The following SPOCK1 variants were observed in gnomAD, a reference collection of about 807,000 sequenced individuals.
SPOCK1 encodes testican-1.
In SPOCK1, 23 loss-of-function variants were observed where a neutral mutation model predicts 55.3. The observed-to-expected ratio is 0.42, with a 90% CI of 0.30 to 0.59. SPOCK1 has a LOEUF of 0.59. SPOCK1 is among the 20% of genes least tolerant of loss of function. The pLI is 0.22. For missense variants in SPOCK1, 499 were observed against 552.5 expected (o/e 0.90, Z 0.97); for synonymous variants, 226 against 221.0 (o/e 1.02, Z -0.20).
At chr5:137,095,342 T>TA (rs112149143) in intron 5 of SPOCK1, among the ~76,000 whole-genome samples, 15,829 of 152,068 alleles carry the variant, frequency 0.1, 1,740 homozygotes, top group African/African-American at 0.28. Context: ...CTCCAATTTG[T>TA]AAAAAAAACC....
intron 2 of SPOCK1, among the ~76,000 whole-genome samples, chr5:137,361,867 T>C (rs1025267558): frequency 2.0e-5 from 3 of 152,096 alleles, no homozygotes; most frequent in African/African-American, 7.2e-5. Context: ...TCTGGGTGAG[T>C]TCATGTTCCC....
intron 3 of SPOCK1, among the ~76,000 whole-genome samples, chr5:137,162,562 T>C (rs1262777998): frequency 3.9e-5 from 6 of 152,158 alleles, no homozygotes; most frequent in African/African-American, 1.2e-4. Flanking sequence ...GTCACAACTG[T>C]GTGCAGAGGT....
At position 137,113,250 on chromosome 5, in the gene SPOCK1, G is replaced by A. The variant is rs1442238628; in HGVS notation, c.348-689C>T. On this transcript the variant is annotated intron_variant, in intron 4 of 10. Coordinates refer to ENST00000394945, the MANE Select transcript of SPOCK1 (RefSeq NM_004598.4). ...AAATGTCGCTATTAGGATGACTTAC[G>A]TCCACGGAAGGAACCCCATCACTAT... Among the ~76,000 whole-genome samples the A allele has an allele frequency of 2.6e-5, 4 of 152,120 alleles. No individual in the cohort carries two copies. In the East Asian group the frequency reaches 7.7e-4, roughly 29 times the overall value.
In SPOCK1 at chr5:137,458,625, A is replaced by G. The variant is rs149092474; in HGVS notation, c.186+39748T>C. ...TGTTCAATTATCCCATTTTGCTCCA[A>G]CGAAATTTCTCCTAGAGTAAGGGTT... On this transcript the variant is annotated intron_variant, in intron 2 of 10. Transcript: ENST00000394945. Among the ~76,000 whole-genome samples the G allele has an allele frequency of 1.6e-3, 248 of 152,326 alleles. 1 individual carries two copies. Among genetic ancestry groups the G allele is most frequent in the African/African-American group, 5.8e-3 (240 of 41,568 alleles).
At chr5:136,998,262 A>G (rs1371002629) in intron 6 of SPOCK1, among the ~76,000 whole-genome samples, 2 of 152,242 alleles carry the variant, frequency 1.3e-5, no homozygotes, top group East Asian at 3.8e-4. Context: ...AGTCCAAGAA[A>G]TACAGGTTGC....
rs774899427 is a variant in SPOCK1, at chr5:136,978,839, C to T, written c.1135G>A (p.Glu379Lys). Reference protein sequence around the residue: ...RKQGAVSCEEEQETSGDFGSG... With the variant: ...RKQGAVSCEEKQETSGDFGSG... ...CCAAAATCCCCTGAGGTTTCCTGCT[C>T]CTCTTCTGAAAGATTAAAAAAAGCA... The change falls in exon 11 of 11, where the codon GAG (glutamate) becomes AAG (lysine). Residue 379 changes from glutamate to lysine, a missense_variant. Glu to Lys is a moderately conservative substitution (Grantham distance 56). Around this residue, in one of 3 missense-constraint regions of SPOCK1, gnomAD observed 83 missense variants for 87.5 expected, o/e 0.95. Coordinates refer to ENST00000394945, the MANE Select transcript of SPOCK1 (RefSeq NM_004598.4). 4 of 1,607,604 alleles carry T rather than the reference C, an allele frequency of 2.5e-6. No homozygotes were observed. Among genetic ancestry groups the T allele is most frequent in the African/African-American group, 1.3e-5 (1 of 74,770 alleles).
intron 2 of SPOCK1, among the ~76,000 whole-genome samples, chr5:137,361,147 T>A (rs903936339): frequency 1.3e-5 from 2 of 152,226 alleles, no homozygotes; most frequent in African/African-American, 4.8e-5. Flanking sequence ...GTTAGCCATC[T>A]GCAAGTCAGC....
intron 3 of SPOCK1, among the ~76,000 whole-genome samples, chr5:137,220,284 C>T (rs575723605): frequency 1.3e-5 from 2 of 152,260 alleles, no homozygotes; most frequent in Admixed American, 6.5e-5. Flanking sequence ...AAGAAAACAA[C>T]CTTCTCTCAT....
Position 137,095,433 on chromosome 5 carries a change from G to T in SPOCK1, c.474+17002C>A, listed in dbSNP as rs561328312. 2.6e-5 allele frequency among the ~76,000 whole-genome samples: 4 copies of T among 152,308 alleles called. No individual in the cohort carries two copies. In the East Asian group the frequency reaches 5.8e-4, roughly 22 times the overall value. On this transcript the variant is annotated intron_variant, in intron 5 of 10. Coordinates refer to ENST00000394945, the MANE Select transcript of SPOCK1 (RefSeq NM_004598.4). ...TTAACCAAAGACCAAAACTGTTTGG[G>T]CTCAGCTAAGTCTAGGTTCAGATTC...
chr5:137,409,356 T>C (rs1339296305), intron 2 of SPOCK1, among the ~76,000 whole-genome samples: 1 of 152,150 alleles, frequency 6.6e-6, no homozygotes, highest in Non-Finnish European at 1.5e-5. Flanking sequence ...CGCAGATCCA[T>C]AGGCAGCATG....
chr5:137,320,297 C>G (rs532698601), intron 2 of SPOCK1, among the ~76,000 whole-genome samples: 2 of 152,300 alleles, frequency 1.3e-5, no homozygotes, highest in South Asian at 4.1e-4. Context: ...CCTTGGATGC[C>G]TGGTATCCAC....
At chr5:137,410,730 G>A (rs1460696549) in intron 2 of SPOCK1, among the ~76,000 whole-genome samples, 1 of 152,208 alleles carries the variant, frequency 6.6e-6, no homozygotes, top group African/African-American at 2.4e-5. Flanking sequence ...GAGTTCAGAA[G>A]GGAGTGTGCC....
intron 2 of SPOCK1, among the ~76,000 whole-genome samples, chr5:137,362,393 G>A (rs1750969553): frequency 6.8e-6 from 1 of 147,658 alleles, no homozygotes. Flanking sequence ...GCAGTGGCAT[G>A]ATCTCCACTC....
intron 2 of SPOCK1, among the ~76,000 whole-genome samples, chr5:137,318,077 A>C (rs1026790083): frequency 1.3e-5 from 2 of 152,236 alleles, no homozygotes; most frequent in African/African-American, 4.8e-5. Context: ...CAACCAGTGA[A>C]GGTTAATAGT....
chr5:137,144,672 T>C (rs950971902), intron 3 of SPOCK1, among the ~76,000 whole-genome samples: 17 of 152,212 alleles, frequency 1.1e-4, no homozygotes, highest in Admixed American at 8.5e-4. Flanking sequence ...CTCAGGGTGA[T>C]GGATGCTCCT....
intron 2 of SPOCK1, among the ~76,000 whole-genome samples, chr5:137,308,554 G>A (rs755621408): frequency 2.6e-5 from 4 of 152,154 alleles, no homozygotes; most frequent in Admixed American, 6.5e-5. Context: ...GCATATCTGC[G>A]GTTCCAGCTC....
chr5:137,267,107 C>G (rs370137859), intron 2 of SPOCK1, 52 bp from the exon 3 acceptor site: 113 of 1,457,918 alleles, frequency 7.8e-5, no homozygotes, highest in Middle Eastern at 1.8e-4. Context: ...AAGCTTCTCA[C>G]ATAACTGCAT....
chr5:137,142,600 C>T (rs1001671798), intron 3 of SPOCK1, among the ~76,000 whole-genome samples: 7 of 152,202 alleles, frequency 4.6e-5, no homozygotes, highest in African/African-American at 1.7e-4. Flanking sequence ...CAGAAAGAAA[C>T]AGGCTGTGAG....
rs766843760 is a variant in SPOCK1 at position 136,988,661 on chromosome 5, T to C, written c.707-18A>G. The C allele has an allele frequency of 6.9e-6, 11 of 1,602,844 alleles. No individual in the cohort carries two copies. In the Admixed American group the frequency reaches 1.8e-4, roughly 27 times the overall value. Reference sequence around the variant, plus strand: ...GTCAAACCCTGCCAAACAAAAGGCATATCTCAGCTGCCACCAAGCCTGATG... The same window carrying C: ...GTCAAACCCTGCCAAACAAAAGGCACATCTCAGCTGCCACCAAGCCTGATG... On this transcript the variant is annotated intron_variant, in intron 7 of 10. Coordinates refer to ENST00000394945, the MANE Select transcript of SPOCK1 (RefSeq NM_004598.4).
Sources: gnomAD v4.1 joint callset for allele counts (sites outside exome capture counted in the v4.1 genomes callset) on GRCh38, gnomAD v4.1.1 for gene constraint, gnomAD v4.1.1 regional missense constraint, MANE v1.5 for transcripts, NCBI Gene and HGNC (gene_info 2026-07-23, HGNC 2026-07-21) for gene names.